Variants in KCNQ1OT1 observed in about 807,000 individuals in gnomAD.
The protein encoded by KCNQ1OT1 is KCNQ1 antisense RNA 2 (non-protein coding).
At chr11:2,662,387 C>T in exon 1 of KCNQ1OT1, 2 of 515,444 alleles carry the variant, frequency 3.9e-6, no homozygotes. Context: ...AGCCCCCTCC[C>T]CTGCCCCCCA....
chr11:2,658,912 G>A lies in KCNQ1OT1; in HGVS notation n.41083C>T, dbSNP rs1015848845. 19 of 398,236 alleles carry A rather than the reference G, an allele frequency of 4.8e-5. No individual in the cohort carries two copies. Among genetic ancestry groups the A allele is most frequent in the African/African-American group, 3.7e-4 (18 of 48,526 alleles). 24.7% of individuals were successfully genotyped at this position (398,236 alleles called of 1,614,324 possible). ...CTATTGTACACGTAGTACCCTATGTGAAGCAAATTTACCTACTAGATTAGA... is the reference window on the plus strand; with the variant it reads ...CTATTGTACACGTAGTACCCTATGTAAAGCAAATTTACCTACTAGATTAGA... On this transcript the variant is annotated non_coding_transcript_exon_variant, in exon 1 of 1. Transcript: ENST00000597346. The surrounding 1 kb of genome is among the most constrained non-coding windows in gnomAD (Gnocchi z 4.9).
At chr11:2,636,837 CTA>C (rs1849476220) in exon 1 of KCNQ1OT1, 1 of 152,164 alleles carries the variant, frequency 6.6e-6, no homozygotes, top group African/African-American at 2.4e-5. Flanking sequence ...GGTTGGTAGA[CTA>C]TTAATTATTG....
chr11:2,631,304 T>A, exon 1 of KCNQ1OT1: 1 of 398,570 alleles, frequency 2.5e-6, no homozygotes. Context: ...CTCTACTGGT[T>A]ATTTTCAAAT....
At position 2,682,381 on chromosome 11, in the gene KCNQ1OT1, G is replaced by A. The variant is rs1169248902; in HGVS notation, n.17614C>T. On this transcript the variant is annotated non_coding_transcript_exon_variant, in exon 1 of 1. Transcript: ENST00000597346. This position sits in a 1 kb window ranked among gnomAD's most constrained non-coding sequence, Gnocchi z 5.8. ...TGGCTCCTTCTATCACATTCAAGGA[G>A]CATGAGGGTATAGGCTGGCTGTTTC... is the stretch of plus-strand genomic sequence containing the variant. 2 of 398,514 alleles carry A rather than the reference G, an allele frequency of 5.0e-6. No homozygotes were observed. 24.7% of individuals were successfully genotyped at this position (398,514 alleles called of 1,614,324 possible).
Position 2,677,393 on chromosome 11 carries a change from C to G in KCNQ1OT1, n.22602G>C, listed in dbSNP as rs1197275991. 1 of 398,450 alleles carries G rather than the reference C, an allele frequency of 2.5e-6. No homozygotes were observed. Among genetic ancestry groups the G allele is most frequent in the Non-Finnish European group, 4.4e-6 (1 of 226,068 alleles). The allele number at this position is 398,450 out of a possible 1,614,324, so 24.7% of individuals were successfully genotyped here. Reference sequence around the variant, plus strand: ...AATCAGTTGAAGAGGAAACCAAGATCGATGCCTAGATAAGCATTTCAGAGG... The same window carrying G: ...AATCAGTTGAAGAGGAAACCAAGATGGATGCCTAGATAAGCATTTCAGAGG... On this transcript the variant is annotated non_coding_transcript_exon_variant, in exon 1 of 1. Coordinates refer to ENST00000597346, the Ensembl canonical transcript of KCNQ1OT1. This position sits in a 1 kb window ranked among gnomAD's most constrained non-coding sequence, Gnocchi z 4.5.
chr11:2,615,506 T>C, exon 1 of KCNQ1OT1: 1 of 398,080 alleles, frequency 2.5e-6, no homozygotes, highest in East Asian at 3.6e-5. Context: ...TTTTTCAGTT[T>C]TTTTTCTCAT....
In KCNQ1OT1 at chr11:2,664,470, C is replaced by T; in HGVS notation, n.35525G>A. The T allele has an allele frequency of 2.5e-6, 1 of 398,734 alleles. No homozygotes were observed. The highest frequency in any genetic ancestry group is 3.6e-5 in the East Asian group (1 of 28,072). The allele number at this position is 398,734 out of a possible 1,614,324, so 24.7% of individuals were successfully genotyped here. A position where few individuals can be genotyped will look rare whatever the true frequency, so the allele number is the denominator to read the frequency against. ...CTGGGATACAGGCTGGGTAGAGGCC[C>T]CACTCCATCTGGGGGAGAAGGCTGG... is the stretch of plus-strand genomic sequence containing the variant. On this transcript the variant is annotated non_coding_transcript_exon_variant, in exon 1 of 1. Coordinates refer to ENST00000597346, the Ensembl canonical transcript of KCNQ1OT1. This position sits in a 1 kb window ranked among gnomAD's most constrained non-coding sequence, Gnocchi z 5.1.
exon 1 of KCNQ1OT1, chr11:2,693,040 G>T (rs1308904478): frequency 2.5e-6 from 1 of 398,556 alleles, no homozygotes; most frequent in Non-Finnish European, 4.4e-6. Context: ...CCTTTCTGGA[G>T]CAGGGGGAGA....
At chr11:2,649,472 T>C (rs1025214945) in exon 1 of KCNQ1OT1, 1 of 398,570 alleles carries the variant, frequency 2.5e-6, no homozygotes, top group Non-Finnish European at 4.4e-6. Context: ...GCTGATTTAG[T>C]AGTAATGAAT....
rs1850264151 is a variant in KCNQ1OT1, at chr11:2,674,837, A to T, written n.25158T>A. The T allele has an allele frequency of 2.6e-6, 1 of 379,600 alleles. No individual in the cohort carries two copies. The highest frequency in any genetic ancestry group is 2.1e-5 in the African/African-American group (1 of 47,404). The allele number at this position is 379,600 out of a possible 1,614,324, so 23.5% of individuals were successfully genotyped here. A position where few individuals can be genotyped will look rare whatever the true frequency, so the allele number is the denominator to read the frequency against. On this transcript the variant is annotated non_coding_transcript_exon_variant, in exon 1 of 1. Coordinates refer to ENST00000597346, the Ensembl canonical transcript of KCNQ1OT1. This position sits in a 1 kb window ranked among gnomAD's most constrained non-coding sequence, Gnocchi z 5.9. ...TCACCCTAATAGCTGTTTTTTAAAA[A>T]AAAAAAAAAAAAAAAAAAAAAAAGC...
chr11:2,630,086 C>T (rs1849328727), exon 1 of KCNQ1OT1: 2 of 398,204 alleles, frequency 5.0e-6, no homozygotes, highest in Admixed American at 8.8e-5. Context: ...TGTTGCAGTA[C>T]ATTCCTTCTA....
chr11:2,609,078 A>C, exon 1 of KCNQ1OT1: 1 of 398,030 alleles, frequency 2.5e-6, no homozygotes. Context: ...CTTTAGGTTT[A>C]GTTTGCTCTT....
rs1849871107 is a variant in KCNQ1OT1, at chr11:2,657,525, C to T, written n.42470G>A. On this transcript the variant is annotated non_coding_transcript_exon_variant, in exon 1 of 1. Transcript: ENST00000597346. The surrounding 1 kb of genome is among the most constrained non-coding windows in gnomAD (Gnocchi z 4.8). ...TTACAGAAGAGAAACAAAAATAGTA[C>T]CGAGTACCCACATCCCTTTCACCAG... is the stretch of plus-strand genomic sequence containing the variant. The T allele has an allele frequency of 2.5e-6, 1 of 398,414 alleles. No homozygotes were observed. The highest frequency in any genetic ancestry group is 2.1e-5 in the African/African-American group (1 of 48,606). The allele number at this position is 398,414 out of a possible 1,614,324, so 24.7% of individuals were successfully genotyped here.
At chr11:2,699,130 G>A (rs1483292778) in exon 1 of KCNQ1OT1, 1 of 398,582 alleles carries the variant, frequency 2.5e-6, no homozygotes, top group Non-Finnish European at 4.4e-6. Context: ...GCGGATTCCA[G>A]ACTCCAATCC....
At chr11:2,662,792 T>C (rs950832121) in exon 1 of KCNQ1OT1, 2 of 398,982 alleles carry the variant, frequency 5.0e-6, no homozygotes, top group Admixed American at 8.8e-5. Flanking sequence ...AATGTCTTTG[T>C]GTCAAGATCT....
chr11:2,662,598 C>G, exon 1 of KCNQ1OT1: 1 of 416,922 alleles, frequency 2.4e-6, no homozygotes, highest in East Asian at 3.4e-5. Context: ...CGTCCTCCCC[C>G]GCCGTCACGG....
rs999302015 is a variant in KCNQ1OT1 at position 2,624,432 on chromosome 11, T to G, written n.75563A>C. ...ACTTTTATTTTTAACAAAGTCTAGC[T>G]TATCAATTATTTCTTTCATGAATCA... On this transcript the variant is annotated non_coding_transcript_exon_variant, in exon 1 of 1. Coordinates refer to ENST00000597346, the Ensembl canonical transcript of KCNQ1OT1. This position sits in a 1 kb window ranked among gnomAD's most constrained non-coding sequence, Gnocchi z 4.9. 6 of 398,412 alleles carry G rather than the reference T, an allele frequency of 1.5e-5. No individual in the cohort carries two copies. The highest frequency in any genetic ancestry group is 1.2e-4 in the African/African-American group (6 of 48,640). The allele number at this position is 398,412 out of a possible 1,614,324, so 24.7% of individuals were successfully genotyped here.
At chr11:2,693,511 TTC>T (rs1850623035) in exon 1 of KCNQ1OT1, 1 of 398,560 alleles carries the variant, frequency 2.5e-6, no homozygotes, top group African/African-American at 2.1e-5. Flanking sequence ...GATCCATTTC[TTC>T]TCCTGGCTGA....
Position 2,652,029 on chromosome 11 carries a change from G to T in KCNQ1OT1, n.47966C>A. 1 of 398,656 alleles carries T rather than the reference G, an allele frequency of 2.5e-6. No homozygotes were observed. Among genetic ancestry groups the T allele is most frequent in the Non-Finnish European group, 4.4e-6 (1 of 226,090 alleles). The allele number at this position is 398,656 out of a possible 1,614,324, so 24.7% of individuals were successfully genotyped here. A position where few individuals can be genotyped will look rare whatever the true frequency, so the allele number is the denominator to read the frequency against. ...AATTTTGATGTTGAGCCTCCCCCCA[G>T]TTCTGGGGTGGCTCTGACTGTGTCC... On this transcript the variant is annotated non_coding_transcript_exon_variant, in exon 1 of 1. Transcript: ENST00000597346. The surrounding 1 kb of genome is among the most constrained non-coding windows in gnomAD (Gnocchi z 5.9).
Sources: gnomAD v4.1 joint callset for allele counts on GRCh38, gnomAD v4.1.1 for gene constraint, Gnocchi (gnomAD v3.1) non-coding constraint, MANE v1.5 for transcripts, NCBI Gene and HGNC (gene_info 2026-07-23, HGNC 2026-07-21) for gene names.